TBC1D19: variants seen among roughly 807,000 people sequenced by gnomAD.
The protein encoded by TBC1D19 is TBC1 domain family member 19, also known as TBC1 domain family, member 19.
A neutral mutation model predicts 89.0 loss-of-function variants in TBC1D19; 60 were observed. That is an observed-to-expected ratio of 0.67 (90% CI 0.55 to 0.84). TBC1D19 has a LOEUF of 0.84. TBC1D19 is among the 40% of genes least tolerant of loss of function. The probability of loss-of-function intolerance (pLI) is 0.00; values close to 1 mark genes in which losing one functional copy is unlikely to be tolerated. For missense variants in TBC1D19, 500 were observed against 610.8 expected (o/e 0.82, Z 1.91); for synonymous variants, 189 against 199.7 (o/e 0.95, Z 0.45).
At chr4:26,690,811 A>C (rs535338667) in intron 13 of TBC1D19, among the ~76,000 whole-genome samples, 1 of 152,342 alleles carries the variant, frequency 6.6e-6, no homozygotes. Flanking sequence ...TTTCATACCT[A>C]GTAACACGAC....
chr4:26,815,023 A>G, the TBC1D19 span, among the ~76,000 whole-genome samples: 1 of 138,096 alleles, frequency 7.2e-6, no homozygotes, highest in Admixed American at 7.0e-5. Context: ...CCTTGTCTCA[A>G]AAAAAAAAAA....
intron 4 of TBC1D19, among the ~76,000 whole-genome samples, chr4:26,628,401 T>C (rs1742573671): frequency 1.3e-5 from 2 of 152,142 alleles, no homozygotes; most frequent in African/African-American, 4.8e-5. Context: ...AACTTTAAAG[T>C]AGTTTTTTCC....
At chr4:26,772,125 CTT>C in the TBC1D19 span, among the ~76,000 whole-genome samples, 65,458 of 139,682 alleles carry the variant, frequency 0.47, 16,069 homozygotes, top group Admixed American at 0.61. Flanking sequence ...AGCCCTCCAA[CTT>C]TTTTTTTTTT....
intron 7 of TBC1D19, among the ~76,000 whole-genome samples, chr4:26,656,100 T>C (rs947345153): frequency 2.0e-5 from 3 of 152,058 alleles, no homozygotes; most frequent in Non-Finnish European, 2.9e-5. Context: ...TTATTCTGTC[T>C]TGAAAAATGC....
intron 8 of TBC1D19, among the ~76,000 whole-genome samples, chr4:26,661,282 T>C (rs137967281): frequency 6.6e-6 from 1 of 152,076 alleles, no homozygotes; most frequent in African/African-American, 2.4e-5. Context: ...AATGGTGAGA[T>C]TAATACTCTC....
At chr4:26,659,893 A>C (rs191744087) in intron 8 of TBC1D19, among the ~76,000 whole-genome samples, 186 bp downstream of exon 8, 28 of 152,334 alleles carry the variant, frequency 1.8e-4, no homozygotes, top group African/African-American at 6.7e-4. Context: ...AGAACTAAAA[A>C]TGAGTTCACA....
chr4:26,767,215 G>C, the TBC1D19 span, among the ~76,000 whole-genome samples: 1 of 152,136 alleles, frequency 6.6e-6, no homozygotes, highest in Non-Finnish European at 1.5e-5. Flanking sequence ...GTTTTGTGCT[G>C]TATTTTCCTC....
At chr4:26,730,867 A>G (rs184130087) in intron 15 of TBC1D19, among the ~76,000 whole-genome samples, 67 of 152,310 alleles carry the variant, frequency 4.4e-4, no homozygotes, top group African/African-American at 1.6e-3. Context: ...CCCACCAAAG[A>G]GAACATGCAG....
At chr4:26,825,266 T>G in the TBC1D19 span, among the ~76,000 whole-genome samples, 1 of 152,070 alleles carries the variant, frequency 6.6e-6, no homozygotes, top group Non-Finnish European at 1.5e-5. Context: ...GCCCAGCTAA[T>G]TTTTGTATCT....
At chr4:26,855,916 C>T in the TBC1D19 span, among the ~76,000 whole-genome samples, 2 of 152,156 alleles carry the variant, frequency 1.3e-5, no homozygotes, top group African/African-American at 4.8e-5. Context: ...GCTATATGTA[C>T]ATTGTAGAAC....
At chr4:26,617,936 C>G (rs1214856243) in intron 3 of TBC1D19, among the ~76,000 whole-genome samples, 1 of 152,102 alleles carries the variant, frequency 6.6e-6, no homozygotes. Flanking sequence ...AGTAGTGGGT[C>G]TAAAATGGAA....
intron 11 of TBC1D19, among the ~76,000 whole-genome samples, chr4:26,677,298 A>T: frequency 6.7e-6 from 1 of 150,272 alleles, no homozygotes; most frequent in African/African-American, 2.4e-5. Flanking sequence ...TATCTTTCTG[A>T]CTTCAGCCTT....
chr4:26,694,760 G>A (rs28793097), intron 13 of TBC1D19, among the ~76,000 whole-genome samples: 6,546 of 152,244 alleles, frequency 0.043, 480 homozygotes, highest in African/African-American at 0.15. Flanking sequence ...TGCAGCCTCC[G>A]CTGCTGATAC....
the TBC1D19 span, among the ~76,000 whole-genome samples, chr4:26,763,432 A>G: frequency 5.3e-5 from 8 of 152,204 alleles, no homozygotes; most frequent in African/African-American, 1.9e-4. Flanking sequence ...CACAACCCAA[A>G]CATTCTATTG....
rs1424627850 is a variant in TBC1D19 at position 26,637,220 on chromosome 4, GA to G, written c.310del (p.Arg104GlufsTer3). ...GTTTTTTATGTTTCAGGGAAGTTGG[GA>G]AAAAAGAATTTTGAAGAGTTTAAAT... ...VYMRKAQGSWEKRILKSLNSM... is the reference protein window; with the variant it reads ...VYMRKAQGSWXKRILKSLNSM... On this transcript the variant is annotated frameshift_variant, in exon 5 of 21. Transcript: ENST00000264866. LOFTEE classifies it high-confidence loss of function. 2 of 1,605,474 alleles carry G rather than the reference GA, an allele frequency of 1.2e-6. No individual in the cohort carries two copies. Among genetic ancestry groups the G allele is most frequent in the Non-Finnish European group, 1.7e-6 (2 of 1,175,390 alleles).
At chr4:26,809,991 CAG>C in the TBC1D19 span, among the ~76,000 whole-genome samples, 1 of 152,366 alleles carries the variant, frequency 6.6e-6, no homozygotes, top group Admixed American at 6.5e-5. Context: ...AGGGCTTCTT[CAG>C]ACACCCAGCG....
intron 9 of TBC1D19, among the ~76,000 whole-genome samples, chr4:26,669,103 G>A (rs1338990609): frequency 6.6e-6 from 1 of 151,548 alleles, no homozygotes; most frequent in Non-Finnish European, 1.5e-5. Flanking sequence ...CATGATAAAG[G>A]AGGTCATATG....
the TBC1D19 span, among the ~76,000 whole-genome samples, chr4:26,768,298 T>A: frequency 2.0e-5 from 3 of 152,270 alleles, no homozygotes; most frequent in East Asian, 5.8e-4. Flanking sequence ...GCTGTTCTAG[T>A]CCAACCTAGC....
At chr4:26,718,990 A>G (rs1716815142) in intron 14 of TBC1D19, among the ~76,000 whole-genome samples, 1 of 151,870 alleles carries the variant, frequency 6.6e-6, no homozygotes, top group Admixed American at 6.6e-5. Context: ...CCACTTTCCA[A>G]CCTTAAAAAT....
Sources: gnomAD v4.1 joint callset for allele counts (sites outside exome capture counted in the v4.1 genomes callset) on GRCh38, gnomAD v4.1.1 for gene constraint, MANE v1.5 for transcripts, NCBI Gene and HGNC (gene_info 2026-07-23, HGNC 2026-07-21) for gene names.